The following MAF variants were observed in gnomAD, a reference collection of about 807,000 sequenced individuals.
The protein encoded by MAF is MAF bZIP transcription factor, also known as transcription factor Maf.
In MAF, 10 loss-of-function variants were observed where a neutral mutation model predicts 22.0. The observed-to-expected ratio is 0.45, with a 90% CI of 0.28 to 0.77. The LOEUF (loss-of-function observed/expected upper bound fraction) is 0.77. Ranked by LOEUF, MAF falls within the 30% of genes least tolerant of loss-of-function variation. MAF has a pLI of 0.12. For synonymous variants in MAF, 337 were observed against 255.8 expected (o/e 1.32, Z -3.03); for missense variants, 544 against 548.4 (o/e 0.99, Z 0.08).
the MAF span, among the ~76,000 whole-genome samples, chr16:79,239,344 G>A: frequency 4.6e-5 from 7 of 151,982 alleles, no homozygotes; most frequent in Admixed American, 6.6e-5. Flanking sequence ...TTCCTGGGCC[G>A]TGGGACAGTC....
chr16:79,357,614 T>G, the MAF span, among the ~76,000 whole-genome samples: 4 of 152,130 alleles, frequency 2.6e-5, no homozygotes, highest in Non-Finnish European at 5.9e-5. Context: ...TTACTGTCAG[T>G]CTCTGTCTTT....
At chr16:79,485,846 G>A in the MAF span, among the ~76,000 whole-genome samples, 1 of 152,104 alleles carries the variant, frequency 6.6e-6, no homozygotes, top group South Asian at 2.1e-4. Context: ...GCCAGCGGCT[G>A]GCAGAGAGCA....
chr16:79,434,819 A>C, the MAF span, among the ~76,000 whole-genome samples: 9 of 152,198 alleles, frequency 5.9e-5, no homozygotes, highest in Non-Finnish European at 1.0e-4. Flanking sequence ...CACAAAGGTT[A>C]GTTCCTTTCT....
At chr16:79,335,121 G>A in the MAF span, among the ~76,000 whole-genome samples, 1 of 149,682 alleles carries the variant, frequency 6.7e-6, no homozygotes, top group Non-Finnish European at 1.5e-5. Flanking sequence ...GGAGGCAGAT[G>A]TTGCAGTAAT....
At chr16:79,287,881 G>A in the MAF span, among the ~76,000 whole-genome samples, 3 of 152,144 alleles carry the variant, frequency 2.0e-5, no homozygotes, top group Admixed American at 2.0e-4. Flanking sequence ...TCACCAAACA[G>A]ACAAGGCACA....
At chr16:79,253,484 G>C in the MAF span, among the ~76,000 whole-genome samples, 2 of 152,162 alleles carry the variant, frequency 1.3e-5, no homozygotes, top group African/African-American at 2.4e-5. Flanking sequence ...CCCTTAGGCA[G>C]TTCCTGTGGC....
the MAF span, among the ~76,000 whole-genome samples, chr16:79,379,851 G>A: frequency 6.6e-6 from 1 of 152,300 alleles, no homozygotes; most frequent in South Asian, 2.1e-4. Context: ...CTATCAGCTA[G>A]AGGGTGCCTC....
the MAF span, among the ~76,000 whole-genome samples, chr16:79,576,894 G>A: frequency 6.6e-6 from 1 of 152,092 alleles, no homozygotes; most frequent in Non-Finnish European, 1.5e-5. Flanking sequence ...ATCCTTTTTA[G>A]TGTTACTACA....
chr16:79,334,436 G>T, the MAF span, among the ~76,000 whole-genome samples: 6 of 152,164 alleles, frequency 3.9e-5, no homozygotes, highest in Admixed American at 2.0e-4. Context: ...AGGGGGCGCT[G>T]ACTGAGATTG....
the MAF span, among the ~76,000 whole-genome samples, chr16:79,498,153 G>A: frequency 3.9e-5 from 6 of 152,176 alleles, no homozygotes; most frequent in Non-Finnish European, 8.8e-5. Flanking sequence ...GGAAGTGGTG[G>A]TATCTTAGCT....
the MAF span, among the ~76,000 whole-genome samples, chr16:79,254,608 C>G: frequency 6.6e-6 from 1 of 152,092 alleles, no homozygotes; most frequent in Non-Finnish European, 1.5e-5. Context: ...ATTGTCAGAG[C>G]CTGTGTTACA....
chr16:79,342,419 C>T, the MAF span, among the ~76,000 whole-genome samples: 5 of 152,304 alleles, frequency 3.3e-5, no homozygotes, highest in Admixed American at 3.3e-4. Context: ...ATCTTGGACC[C>T]CCACTTTTTA....
the MAF span, among the ~76,000 whole-genome samples, chr16:79,289,485 G>T: frequency 6.6e-5 from 10 of 152,180 alleles, no homozygotes; most frequent in Non-Finnish European, 1.3e-4. Flanking sequence ...GGTTTTTGGG[G>T]TTGGGAGGAG....
the MAF span, among the ~76,000 whole-genome samples, chr16:79,389,508 T>G: frequency 6.6e-6 from 1 of 152,300 alleles, no homozygotes; most frequent in Non-Finnish European, 1.5e-5. Context: ...GTGATCCACC[T>G]GCCTCTGCCT....
chr16:79,539,633 T>C, the MAF span, among the ~76,000 whole-genome samples: 1 of 152,244 alleles, frequency 6.6e-6, no homozygotes, highest in South Asian at 2.1e-4. Flanking sequence ...ATGTTCAATA[T>C]AGTGTTATCT....
the MAF span, among the ~76,000 whole-genome samples, chr16:79,472,492 A>G: frequency 2.0e-5 from 3 of 152,170 alleles, no homozygotes; most frequent in Non-Finnish European, 2.9e-5. Context: ...CCTCGAAAAG[A>G]TATACTAAGT....
chr16:79,270,139 G>T, the MAF span, among the ~76,000 whole-genome samples: 1 of 152,038 alleles, frequency 6.6e-6, no homozygotes, highest in Non-Finnish European at 1.5e-5. Flanking sequence ...TCAGGGAATA[G>T]GCAGCTTTGG....
chr16:79,515,811 T>C, the MAF span, among the ~76,000 whole-genome samples: 2 of 152,194 alleles, frequency 1.3e-5, no homozygotes, highest in Non-Finnish European at 2.9e-5. Flanking sequence ...AGTGATGGAA[T>C]CACTACATTC....
At chr16:79,224,640 C>T in the MAF span, among the ~76,000 whole-genome samples, 1 of 152,214 alleles carries the variant, frequency 6.6e-6, no homozygotes, top group African/African-American at 2.4e-5. Context: ...CCTCCTTAAG[C>T]AGATAAGCAA....
Sources: allele counts gnomAD v4.1 joint callset (sites outside exome capture counted in the v4.1 genomes callset), GRCh38; gene constraint gnomAD v4.1.1; transcripts MANE v1.5; gene names NCBI Gene and HGNC (gene_info 2026-07-23, HGNC 2026-07-21).